The following GALNT8 variants were observed in gnomAD, a reference collection of about 807,000 sequenced individuals.
GALNT8 encodes the protein probable polypeptide N-acetylgalactosaminyltransferase 8.
A neutral mutation model predicts 62.7 loss-of-function variants in GALNT8; 66 were observed. The observed-to-expected ratio is 1.05, with a 90% confidence interval of 0.86 to 1.29. The LOEUF (loss-of-function observed/expected upper bound fraction) is 1.29, where lower values mean the gene tolerates loss of function less well. Ranked by LOEUF, GALNT8 falls within the 50% of genes most tolerant of loss-of-function variation. The probability of loss-of-function intolerance (pLI) is 0.00; values close to 1 mark genes in which losing one functional copy is unlikely to be tolerated. For missense variants in GALNT8, 771 were observed against 791.8 expected, an observed-to-expected ratio of 0.97 and a Z score of 0.32; for synonymous variants, 288 against 294.3, an observed-to-expected ratio of 0.98 and a Z score of 0.22.
chr12:4,764,687 G>A (rs902576338), intron 9 of GALNT8, among the ~76,000 whole-genome samples: 25 of 151,546 alleles, frequency 1.6e-4, no homozygotes, highest in African/African-American at 5.8e-4. Context: ...GGGACTACAG[G>A]CACCTGCCAC....
Position 4,744,532 on chromosome 12 carries a change from A to G in GALNT8, c.692A>G (p.His231Arg), listed in dbSNP as rs1245938262. 1 of 1,609,430 alleles carries G rather than the reference A, an allele frequency of 6.2e-7. No homozygotes were observed. The highest frequency in any genetic ancestry group is 8.5e-7 in the Non-Finnish European group (1 of 1,177,378). The change falls in exon 4 of 11, where the codon CAC becomes CGC. Residue 231 changes from histidine (H) to arginine (R), a missense_variant. His to Arg is a conservative substitution (Grantham distance 29, BLOSUM62 0). Coordinates refer to ENST00000252318, the MANE Select transcript of GALNT8 (RefSeq NM_017417.2). ...TGATTGACAGGAGAACTAAAGGTAC[A>G]CTTGGATGAGAAGATTAAGCTTTAC... ...DFSSNGELKV[H>R]LDEKIKLYNQ...
rs142410021 is a variant in GALNT8, at chr12:4,746,227, A to G, written c.1142A>G (p.Tyr381Cys). ...IGSLDGGMLIYGGENVELSLR... is the reference protein window; with the variant it reads ...IGSLDGGMLICGGENVELSLR... Reference sequence around the variant, plus strand: ...TCTCTGGATGGTGGAATGCTCATCTATGGAGGAGAGAACGTGGAGCTTAGC... The same window carrying G: ...TCTCTGGATGGTGGAATGCTCATCTGTGGAGGAGAGAACGTGGAGCTTAGC... Residue 381 changes from tyrosine (Y) to cysteine (C), a missense_variant, in exon 6 of 11, where the codon TAT (tyrosine) becomes TGT (cysteine). Physicochemically the swap from Tyr to Cys is radical, Grantham distance 194. Coordinates refer to ENST00000252318, the MANE Select transcript of GALNT8 (RefSeq NM_017417.2). 953 of 1,610,264 alleles carry G rather than the reference A, an allele frequency of 5.9e-4. 13 individuals carry two copies. The African/African-American group carries it at 0.012, about 19-fold the overall frequency.
intron 2 of GALNT8, among the ~76,000 whole-genome samples, chr12:4,734,552 C>CTT (rs1946235914): frequency 6.6e-6 from 1 of 152,058 alleles, no homozygotes; most frequent in African/African-American, 2.4e-5. Flanking sequence ...CTTCCTTTCG[C>CTT]TTCTTTCTTT....
At chr12:4,751,225 T>G (rs976057227) in intron 6 of GALNT8, among the ~76,000 whole-genome samples, 2 of 152,174 alleles carry the variant, frequency 1.3e-5, no homozygotes, top group Non-Finnish European at 2.9e-5. Flanking sequence ...AGGCAAAGAT[T>G]TCATGACAAA....
In GALNT8 at chr12:4,772,481, C is replaced by G; in HGVS notation, c.1798C>G (p.Leu600Val). 6.2e-7 allele frequency: 1 copy of G among 1,613,978 alleles called. No homozygotes were observed. Among genetic ancestry groups the G allele is most frequent in the Non-Finnish European group, 8.5e-7 (1 of 1,179,920 alleles). Residue 600 changes from leucine (L) to valine (V), a missense_variant, in exon 11 of 11, where the codon CTG (leucine) becomes GTG (valine). Physicochemically the swap from Leu to Val is conservative, Grantham distance 32 (BLOSUM62 1). Coordinates refer to ENST00000252318, the MANE Select transcript of GALNT8 (RefSeq NM_017417.2). Reference sequence around the variant, plus strand: ...CATAAACAGAGATACCAAGCGGTGTCTGGAGATGAAGAAGGATCTTTTGGG... The same window carrying G: ...CATAAACAGAGATACCAAGCGGTGTGTGGAGATGAAGAAGGATCTTTTGGG... ...AVINRDTKRC[L>V]EMKKDLLGSH...
At chr12:4,759,324 G>A (rs570207496) in intron 6 of GALNT8, among the ~76,000 whole-genome samples, 1 of 151,968 alleles carries the variant, frequency 6.6e-6, no homozygotes, top group East Asian at 1.9e-4. Flanking sequence ...GTGCACTTCA[G>A]GTTATCTCAG....
chr12:4,771,364 G>A lies in GALNT8; in HGVS notation c.1762-1081G>A, dbSNP rs112222991. ...TTGCCCTGAATGGCCAATGCTGGAT[G>A]GGTGCCCAGAGGAGGAAAGGGTGGT... is the stretch of plus-strand genomic sequence containing the variant. On this transcript the variant is annotated intron_variant, in intron 10 of 10. Transcript: ENST00000252318. Among the ~76,000 whole-genome samples the A allele has an allele frequency of 2.3e-3, 351 of 152,292 alleles. 4 individuals are homozygous for A. Among genetic ancestry groups the A allele is most frequent in the African/African-American group, 8.1e-3 (335 of 41,564 alleles).
At chr12:4,757,720 A>G (rs1946351451) in intron 6 of GALNT8, among the ~76,000 whole-genome samples, 1 of 152,206 alleles carries the variant, frequency 6.6e-6, no homozygotes, top group Non-Finnish European at 1.5e-5. Context: ...GATTTTAGTT[A>G]CTGGGTTATG....
At chr12:4,770,272 A>G (rs938931520) in intron 10 of GALNT8, among the ~76,000 whole-genome samples, 14 of 151,750 alleles carry the variant, frequency 9.2e-5, no homozygotes, top group Non-Finnish European at 1.8e-4. Flanking sequence ...ACTGCACTCT[A>G]TCCTGGACAA....
intron 10 of GALNT8, 49 bp downstream of exon 10, chr12:4,765,595 G>A: frequency 6.9e-7 from 1 of 1,443,452 alleles, no homozygotes; most frequent in East Asian, 2.3e-5. Context: ...GTTTTGTTTT[G>A]TTTTGAGACT....
chr12:4,729,179 T>C (rs536625498), intron 2 of GALNT8, among the ~76,000 whole-genome samples: 1 of 152,174 alleles, frequency 6.6e-6, no homozygotes, highest in Non-Finnish European at 1.5e-5. Context: ...GTATATCTTA[T>C]CATGTACAAT....
At chr12:4,741,020 G>C (rs1397143309) in intron 3 of GALNT8, among the ~76,000 whole-genome samples, 4 of 152,178 alleles carry the variant, frequency 2.6e-5, no homozygotes, top group African/African-American at 9.7e-5. Flanking sequence ...AAAGAGAGTA[G>C]AATTAAGTTA....
chr12:4,763,944 C>A lies in GALNT8; in HGVS notation c.1498-8C>A. On this transcript the variant is annotated splice_region_variant and splice_polypyrimidine_tract_variant and intron_variant, in intron 8 of 10. Transcript: ENST00000252318. Reference sequence around the variant, plus strand: ...TAACAGTGTTGCCGTGTGTTTTGTCCCCTTCAGATGAAAAACCTATTGGAT... The same window carrying A: ...TAACAGTGTTGCCGTGTGTTTTGTCACCTTCAGATGAAAAACCTATTGGAT... 7.0e-7 allele frequency: 1 copy of A among 1,428,700 alleles called. No individual in the cohort carries two copies. The highest frequency in any genetic ancestry group is 9.9e-7 in the Non-Finnish European group (1 of 1,009,592). The allele number at this position is 1,428,700 out of a possible 1,614,324, so 88.5% of individuals were successfully genotyped here.
intron 6 of GALNT8, among the ~76,000 whole-genome samples, chr12:4,751,419 G>A (rs1380803534): frequency 2.6e-5 from 4 of 152,046 alleles, no homozygotes; most frequent in African/African-American, 9.7e-5. Context: ...TCTTAGTACT[G>A]TTTTTGCTAT....
rs145634761 is a variant in GALNT8, at chr12:4,770,324, A to C, written c.1762-2121A>C. On this transcript the variant is annotated intron_variant, in intron 10 of 10. Transcript: ENST00000252318. Reference sequence around the variant, plus strand: ...CTCAAAAGAAAAAAAAAAAAACAAAAAACAAACAACAAAAAAAATCAAACC... The same window carrying C: ...CTCAAAAGAAAAAAAAAAAAACAAACAACAAACAACAAAAAAAATCAAACC... Among the ~76,000 whole-genome samples the C allele has an allele frequency of 5.1e-4, 77 of 151,826 alleles. 2 individuals carry two copies. The East Asian group carries it at 0.012, about 24-fold the overall frequency.
At chr12:4,739,985 C>G (rs1946264573) in intron 3 of GALNT8, among the ~76,000 whole-genome samples, 1 of 152,064 alleles carries the variant, frequency 6.6e-6, no homozygotes, top group Non-Finnish European at 1.5e-5. Context: ...CCCTCTTATG[C>G]ACCATGAAGA....
At chr12:4,742,191 T>C (rs1466925129) in intron 3 of GALNT8, among the ~76,000 whole-genome samples, 1 of 152,192 alleles carries the variant, frequency 6.6e-6, no homozygotes, top group Non-Finnish European at 1.5e-5. Context: ...AGTGTTCTGC[T>C]CCTCACCTAT....
intron 2 of GALNT8, among the ~76,000 whole-genome samples, chr12:4,733,262 T>C (rs961535628): frequency 4.9e-4 from 74 of 152,208 alleles, no homozygotes; most frequent in African/African-American, 1.8e-3. Context: ...CATTTCGTCA[T>C]TGCAGAAAAT....
intron 6 of GALNT8, among the ~76,000 whole-genome samples, chr12:4,758,696 A>T (rs1451025123): frequency 6.7e-6 from 1 of 148,216 alleles, no homozygotes; most frequent in Non-Finnish European, 1.5e-5. Flanking sequence ...GGAATTTGGC[A>T]AGTGGGAATA....
Sources: gnomAD v4.1 joint callset for allele counts (sites outside exome capture counted in the v4.1 genomes callset) on GRCh38, gnomAD v4.1.1 for gene constraint, MANE v1.5 for transcripts, NCBI Gene and HGNC (gene_info 2026-07-23, HGNC 2026-07-21) for gene names.